Variants in CTNNA3 observed in about 807,000 individuals in gnomAD.
The protein encoded by CTNNA3 is catenin alpha-3.
A neutral mutation model predicts 95.7 loss-of-function variants in CTNNA3; 76 were observed. That is an observed-to-expected ratio of 0.79 (90% CI 0.66 to 0.96). The LOEUF (loss-of-function observed/expected upper bound fraction) is 0.96. Ranked by LOEUF, CTNNA3 falls within the 40% of genes least tolerant of loss-of-function variation. The probability of loss-of-function intolerance (pLI) is 0.00; values close to 1 mark genes in which losing one functional copy is unlikely to be tolerated. For missense variants in CTNNA3, 1,191 were observed against 1,089.8 expected (o/e 1.09, Z -1.31); for synonymous variants, 431 against 374.4 (o/e 1.15, Z -1.74).
intron 1 of CTNNA3, among the ~76,000 whole-genome samples, chr10:67,733,806 T>C (rs1458226488): frequency 6.6e-6 from 1 of 152,194 alleles, no homozygotes; most frequent in East Asian, 1.9e-4. Flanking sequence ...TAAGGGTATA[T>C]TCTGGGCAGC....
chr10:66,474,712 T>A (rs1463613537), intron 11 of CTNNA3, among the ~76,000 whole-genome samples: 1 of 152,006 alleles, frequency 6.6e-6, no homozygotes, highest in East Asian at 1.9e-4. Flanking sequence ...GCAGTTGTCA[T>A]TTTTTGTCTT....
At chr10:66,769,302 G>A (rs1839990454) in intron 8 of CTNNA3, among the ~76,000 whole-genome samples, 2 of 152,198 alleles carry the variant, frequency 1.3e-5, no homozygotes, top group South Asian at 4.1e-4. Flanking sequence ...GAAACCTTTA[G>A]GAGCTAGCAC....
intron 3 of CTNNA3, among the ~76,000 whole-genome samples, chr10:67,541,522 A>T (rs1311597995): frequency 6.6e-6 from 1 of 152,042 alleles, no homozygotes; most frequent in East Asian, 1.9e-4. Flanking sequence ...GATCAAATTC[A>T]TATATTCCCC....
At position 67,526,415 on chromosome 10, in the gene CTNNA3, G is replaced by A. The variant is rs184279219; in HGVS notation, c.460-4454C>T. ...AGTTAAGAACATAGAGCAAAATTGG[G>A]CTTGAGATCTAAATTAGAAATAGTT... On this transcript the variant is annotated intron_variant, in intron 4 of 17. Transcript: ENST00000433211. 2.2e-3 allele frequency among the ~76,000 whole-genome samples: 331 copies of A among 151,444 alleles called. 2 individuals carry two copies. Among genetic ancestry groups the A allele is most frequent in the African/African-American group, 7.6e-3 (314 of 41,240 alleles).
chr10:67,297,075 T>C (rs2132484829), intron 5 of CTNNA3, among the ~76,000 whole-genome samples: 1 of 151,796 alleles, frequency 6.6e-6, no homozygotes, highest in African/African-American at 2.4e-5. Flanking sequence ...TGACCTCTAG[T>C]CAGTCACCAC....
intron 11 of CTNNA3, among the ~76,000 whole-genome samples, chr10:66,388,140 T>G (rs2092908072): frequency 6.6e-6 from 1 of 152,088 alleles, no homozygotes; most frequent in Non-Finnish European, 1.5e-5. Context: ...ATTGGCAAGG[T>G]TTCTTTTTTT....
At chr10:67,251,390 A>G (rs1866103367) in intron 5 of CTNNA3, among the ~76,000 whole-genome samples, 1 of 152,178 alleles carries the variant, frequency 6.6e-6, no homozygotes, top group Admixed American at 6.5e-5. Context: ...ATGCTCTAAA[A>G]TTAGGTTATA....
intron 7 of CTNNA3, among the ~76,000 whole-genome samples, chr10:66,904,919 G>T (rs769070133): frequency 1.3e-5 from 2 of 152,218 alleles, no homozygotes; most frequent in Admixed American, 1.3e-4. Context: ...TTACACCGTT[G>T]ATGGGAGTGT....
chr10:67,483,183 T>C (rs1314154848), intron 5 of CTNNA3, among the ~76,000 whole-genome samples: 1 of 151,804 alleles, frequency 6.6e-6, no homozygotes, highest in African/African-American at 2.4e-5. Flanking sequence ...TGTAAACTAG[T>C]TCAACCACTG....
chr10:66,904,547 C>G (rs972793954), intron 7 of CTNNA3, among the ~76,000 whole-genome samples: 38 of 152,204 alleles, frequency 2.5e-4, no homozygotes, highest in African/African-American at 8.7e-4. Context: ...ACCTTCTGCA[C>G]AGCAAAAGAA....
intron 7 of CTNNA3, among the ~76,000 whole-genome samples, chr10:66,982,644 G>T (rs1850506253): frequency 6.6e-6 from 1 of 152,146 alleles, no homozygotes; most frequent in Admixed American, 6.5e-5. Flanking sequence ...TGTTAACCTT[G>T]TGAGGTTATA....
At chr10:66,508,210 G>GTT (rs756807793) in intron 11 of CTNNA3, among the ~76,000 whole-genome samples, 6,140 of 108,342 alleles carry the variant, frequency 0.057, 498 homozygotes, top group East Asian at 0.32. Flanking sequence ...TTTGTTTTCT[G>GTT]TTTTTTTTTT....
chr10:66,547,674 G>T (rs1360518689), intron 10 of CTNNA3, among the ~76,000 whole-genome samples: 4 of 151,756 alleles, frequency 2.6e-5, no homozygotes, highest in Non-Finnish European at 5.9e-5. Context: ...TTATTAATTT[G>T]TGAAGTTCAT....
chr10:66,866,569 T>G (rs1844186956), intron 7 of CTNNA3, among the ~76,000 whole-genome samples: 1 of 152,170 alleles, frequency 6.6e-6, no homozygotes, highest in Non-Finnish European at 1.5e-5. Flanking sequence ...GACTTAATAT[T>G]TGAAACACGT....
chr10:65,981,049 A>G (rs775777077), intron 16 of CTNNA3, among the ~76,000 whole-genome samples: 4 of 152,072 alleles, frequency 2.6e-5, no homozygotes, highest in Non-Finnish European at 4.4e-5. Context: ...GAGGAAGTCA[A>G]ACTGTTGCTG....
chr10:66,984,291 T>C (rs1850607782), intron 7 of CTNNA3, among the ~76,000 whole-genome samples: 2 of 152,220 alleles, frequency 1.3e-5, no homozygotes, highest in Non-Finnish European at 2.9e-5. Flanking sequence ...GTTGATAAAC[T>C]GGCTAAAGGG....
chr10:66,384,657 C>T (rs561535933), intron 11 of CTNNA3, among the ~76,000 whole-genome samples: 47 of 152,226 alleles, frequency 3.1e-4, no homozygotes, highest in African/African-American at 1.0e-3. Flanking sequence ...ATCACCACAT[C>T]GCATTTATTC....
chr10:67,110,123 C>G (rs1022100696), intron 7 of CTNNA3, among the ~76,000 whole-genome samples: 10 of 152,088 alleles, frequency 6.6e-5, no homozygotes, highest in African/African-American at 2.4e-4. Context: ...GTGGCACATG[C>G]TATGTGGTAG....
chr10:66,873,088 A>G (rs1277930048), intron 7 of CTNNA3, among the ~76,000 whole-genome samples: 8 of 152,096 alleles, frequency 5.3e-5, no homozygotes, highest in Non-Finnish European at 7.3e-5. Flanking sequence ...CTTTATCCCA[A>G]TTCACCATGG....
Sources: gnomAD v4.1 joint callset for allele counts (sites outside exome capture counted in the v4.1 genomes callset) on GRCh38, gnomAD v4.1.1 for gene constraint, MANE v1.5 for transcripts, NCBI Gene and HGNC (gene_info 2026-07-23, HGNC 2026-07-21) for gene names.